UBL7: variants seen among roughly 807,000 people sequenced by gnomAD.
UBL7 encodes ubiquitin-like protein 7.
In UBL7, 21 loss-of-function variants were observed where a neutral mutation model predicts 41.7. The observed-to-expected ratio is 0.50, with a 90% CI of 0.36 to 0.73. The LOEUF is 0.73. Ranked by LOEUF, UBL7 falls within the 30% of genes least tolerant of loss-of-function variation. The pLI is 0.00. For missense variants in UBL7, 403 were observed against 478.4 expected (o/e 0.84, Z 1.47); for synonymous variants, 157 against 186.9 (o/e 0.84, Z 1.31).
intron 2 of UBL7, 139 bp from the exon 3 acceptor site, chr15:74,456,810 A>C: frequency 9.0e-7 from 1 of 1,108,994 alleles, no homozygotes; most frequent in Non-Finnish European, 1.3e-6. Flanking sequence ...AACTTAACAA[A>C]TACTTTTTTT....
chr15:74,461,037 C>A lies in UBL7; in HGVS notation c.-30G>T, dbSNP rs558185651. 1.0e-5 allele frequency: 11 copies of A among 1,050,916 alleles called. No homozygotes were observed. The East Asian group carries it at 8.5e-4, about 81-fold the overall frequency. 65.1% of individuals were successfully genotyped at this position (1,050,916 alleles called of 1,614,324 possible). On this transcript the variant is annotated splice_region_variant and 5_prime_UTR_variant, in exon 1 of 11. Coordinates refer to ENST00000395081, the MANE Select transcript of UBL7 (RefSeq NM_032907.5). Reference sequence around the variant, plus strand: ...GAACACTATCCGGTGGCGACCTCACCGCTCCAGTGGGACCAGCTACTTGGC... The same window carrying A: ...GAACACTATCCGGTGGCGACCTCACAGCTCCAGTGGGACCAGCTACTTGGC...
At chr15:74,447,757 A>ACATCAAGT (rs986935488) in intron 10 of UBL7, among the ~76,000 whole-genome samples, 2 of 152,248 alleles carry the variant, frequency 1.3e-5, no homozygotes, top group Admixed American at 6.5e-5. Flanking sequence ...GGTGACTGCT[A>ACATCAAGT]CATCAAGTCA....
chr15:74,449,171 GC>G lies in UBL7; in HGVS notation c.882+14del. The G allele has an allele frequency of 6.5e-7, 1 of 1,532,916 alleles. No individual in the cohort carries two copies. The highest frequency in any genetic ancestry group is 8.7e-7 in the Non-Finnish European group (1 of 1,144,524). The allele number at this position is 1,532,916 out of a possible 1,614,324, so 95.0% of individuals were successfully genotyped here. Reference sequence around the variant, plus strand: ...TGGGGGCCCAGCCTTGATCTTCCCGGCCCCGTCTTCATACCTGGGTGCCAGG... The same window carrying G: ...TGGGGGCCCAGCCTTGATCTTCCCGGCCCGTCTTCATACCTGGGTGCCAGG... On this transcript the variant is annotated intron_variant, in intron 9 of 10. Transcript: ENST00000395081.
chr15:74,449,948 G>T lies in UBL7; in HGVS notation c.652C>A (p.Arg218=). Reference sequence around the variant, plus strand: ...TTCAGGCGCTCACCTGGCATATCCCGGTATGAGCTGGAGGGCATGCTCCGG... The same window carrying T: ...TTCAGGCGCTCACCTGGCATATCCCTGTATGAGCTGGAGGGCATGCTCCGG... The part of the protein sequence containing the change: ...SSRSMPSSSY[R]DMPGGFLFEG... Residue 218 remains arginine (R), a synonymous_variant, in exon 7 of 11, where the codon CGG becomes AGG. Coordinates refer to ENST00000395081, the MANE Select transcript of UBL7 (RefSeq NM_032907.5). The T allele has an allele frequency of 1.2e-6, 2 of 1,612,036 alleles. No individual in the cohort carries two copies. The highest frequency in any genetic ancestry group is 1.7e-6 in the Non-Finnish European group (2 of 1,179,252).
Position 74,446,308 on chromosome 15 carries a change from G to A in UBL7, c.1006-81C>T. ...CTTAGGTCTGTGCTTTCCGGGGAAG[G>A]AAAGGAAGATGGGGGAGTCCTCAGC... On this transcript the variant is annotated intron_variant, in intron 10 of 10. Transcript: ENST00000395081. This position sits in a 1 kb window ranked among gnomAD's most constrained non-coding sequence, Gnocchi z 4.1. 6.4e-7 allele frequency: 1 copy of A among 1,564,940 alleles called. No individual in the cohort carries two copies. Among genetic ancestry groups the A allele is most frequent in the Non-Finnish European group, 8.7e-7 (1 of 1,151,646 alleles).
At chr15:74,451,388 C>T (rs754565175) in intron 5 of UBL7, 48 bp downstream of exon 5, 11 of 1,512,280 alleles carry the variant, frequency 7.3e-6, no homozygotes, top group Middle Eastern at 1.7e-4. Flanking sequence ...CTCCTGTTTT[C>T]TCCTTTTCCG....
In UBL7 at chr15:74,457,564, T is replaced by C. The variant is rs2061306584; in HGVS notation, c.185-893A>G. 9.2e-5 allele frequency among the ~76,000 whole-genome samples: 13 copies of C among 141,420 alleles called. No homozygotes were observed. In the Admixed American group the frequency reaches 9.3e-4, roughly 10 times the overall value. The allele number at this position is 141,420 out of a possible 152,430, so 92.8% of individuals were successfully genotyped here. Reference sequence around the variant, plus strand: ...TCTCAAAAAAAAAGAAATATATATATATATACACACATACACACAAAAATT... The same window carrying C: ...TCTCAAAAAAAAAGAAATATATATACATATACACACATACACACAAAAATT... On this transcript the variant is annotated intron_variant, in intron 2 of 10. Transcript: ENST00000395081.
Position 74,452,157 on chromosome 15 carries a change from CCA to C in UBL7, c.387+137_387+138del, listed in dbSNP as rs2141317662. 3 of 806,284 alleles carry C rather than the reference CCA, an allele frequency of 3.7e-6. No homozygotes were observed. In the South Asian group the frequency reaches 5.2e-5, roughly 14 times the overall value. 49.9% of individuals were successfully genotyped at this position (806,284 alleles called of 1,614,324 possible). A position where few individuals can be genotyped will look rare whatever the true frequency, so the allele number is the denominator to read the frequency against. On this transcript the variant is annotated intron_variant, in intron 4 of 10. Coordinates refer to ENST00000395081, the MANE Select transcript of UBL7 (RefSeq NM_032907.5). ...GGGAAAGACAGGGCTCTACTGAGGC[CCA>C]CAGACATGGCAAAAACTCCCCAAGG...
At chr15:74,455,395 T>G (rs1294316740) in intron 3 of UBL7, among the ~76,000 whole-genome samples, 1 of 152,242 alleles carries the variant, frequency 6.6e-6, no homozygotes, top group Non-Finnish European at 1.5e-5. Flanking sequence ...TGAGGCTTTG[T>G]ATATTTTCTC....
chr15:74,450,711 G>A (rs992641859), intron 6 of UBL7, 91 bp downstream of exon 6: 1 of 1,401,588 alleles, frequency 7.1e-7, no homozygotes, highest in Non-Finnish European at 1.0e-6. Context: ...CTATGGATGG[G>A]CTCCCAGAGC....
Position 74,446,198 on chromosome 15 carries a change from T to C in UBL7, c.1035A>G (p.Leu345=). 1 of 1,613,922 alleles carries C rather than the reference T, an allele frequency of 6.2e-7. No homozygotes were observed. Among genetic ancestry groups the C allele is most frequent in the Non-Finnish European group, 8.5e-7 (1 of 1,179,918 alleles). The part of the protein sequence containing the change: ...QSQWQPQLQQ[L]RDMGIQDDEL... The stretch of plus-strand genomic sequence containing the variant: ...CATCGTCCTGGATGCCCATGTCACG[T>C]AGCTGCTGCAGCTGGGGCTGCCACT... The change falls in exon 11 of 11, where the codon CTA becomes CTG. Residue 345 remains leucine, a synonymous_variant. Coordinates refer to ENST00000395081, the MANE Select transcript of UBL7 (RefSeq NM_032907.5). This position sits in a 1 kb window ranked among gnomAD's most constrained non-coding sequence, Gnocchi z 4.1.
Position 74,450,017 on chromosome 15 carries a change from A to T in UBL7, c.583T>A (p.Ser195Thr). Reference sequence around the variant, plus strand: ...GGCATTGGGGCACTGCCTGCTACGGAGTGCAGAACCAGGACAATGGCATTG... The same window carrying T: ...GGCATTGGGGCACTGCCTGCTACGGTGTGCAGAACCAGGACAATGGCATTG... ...LVNAIVLVLHSVAGSAPMPGT... is the reference protein window; with the variant it reads ...LVNAIVLVLHTVAGSAPMPGT... Residue 195 changes from serine (S) to threonine (T), a missense_variant, in exon 7 of 11, where the codon TCC becomes ACC. Physicochemically the swap from Ser to Thr is moderately conservative, Grantham distance 58. Coordinates refer to ENST00000395081, the MANE Select transcript of UBL7 (RefSeq NM_032907.5). 1 of 1,613,726 alleles carries T rather than the reference A, an allele frequency of 6.2e-7. No individual in the cohort carries two copies. Among genetic ancestry groups the T allele is most frequent in the Non-Finnish European group, 8.5e-7 (1 of 1,179,872 alleles).
chr15:74,456,014 C>A (rs1299069382), intron 3 of UBL7, among the ~76,000 whole-genome samples: 1 of 151,922 alleles, frequency 6.6e-6, no homozygotes, highest in Non-Finnish European at 1.5e-5. Flanking sequence ...GTAGTCCCAG[C>A]TACCTGGGAG....
At position 74,458,908 on chromosome 15, in the gene UBL7, C is replaced by A. The variant is rs755516139; in HGVS notation, c.-29-12G>T. On this transcript the variant is annotated splice_polypyrimidine_tract_variant and intron_variant, in intron 1 of 10. Transcript: ENST00000395081. ...CTCTCTCTTTCTCCCTGTAAAAGAA[C>A]AAAACCTCAGTGGTTAAAAGACAGA... 3 of 1,601,070 alleles carry A rather than the reference C, an allele frequency of 1.9e-6. No homozygotes were observed. The highest frequency in any genetic ancestry group is 2.7e-5 in the African/African-American group (2 of 74,890).
chr15:74,459,117 A>G, intron 1 of UBL7: 5 of 491,602 alleles, frequency 1.0e-5, no homozygotes, highest in Non-Finnish European at 1.5e-5. Context: ...ACGTGGACAT[A>G]AAAACGCCAT....
chr15:74,450,809 G>T lies in UBL7; in HGVS notation c.523C>A (p.Leu175Ile). 1 of 1,613,432 alleles carries T rather than the reference G, an allele frequency of 6.2e-7. No individual in the cohort carries two copies. Among genetic ancestry groups the T allele is most frequent in the South Asian group, 1.1e-5 (1 of 91,054 alleles). ...TAGGACAGGTACACTTACGTATCAA[G>T]CATATTGGGATCAGCGAAGACAGAG... is the stretch of plus-strand genomic sequence containing the variant. ...LFSVFADPNM[L>I]DTLVPAHPAL... Residue 175 changes from leucine (L) to isoleucine (I), a missense_variant, in exon 6 of 11, where the codon CTT becomes ATT. By Grantham distance (5) the Leu-to-Ile change is conservative (BLOSUM62 2). Transcript: ENST00000395081.
chr15:74,447,916 A>C (rs1315979796), intron 10 of UBL7, among the ~76,000 whole-genome samples: 2 of 152,188 alleles, frequency 1.3e-5, no homozygotes, highest in African/African-American at 4.8e-5. Context: ...ACATGTGCAC[A>C]AACAGGTAGC....
At chr15:74,458,067 C>G (rs2061311189) in intron 2 of UBL7, among the ~76,000 whole-genome samples, 1 of 152,150 alleles carries the variant, frequency 6.6e-6, no homozygotes, top group Non-Finnish European at 1.5e-5. Flanking sequence ...CTCAAATATA[C>G]TGAGGAGCCT....
chr15:74,446,032 T>A lies in UBL7; in HGVS notation c.*58A>T. 6.3e-7 allele frequency: 1 copy of A among 1,588,308 alleles called. No individual in the cohort carries two copies. The highest frequency in any genetic ancestry group is 8.6e-7 in the Non-Finnish European group (1 of 1,167,030). On this transcript the variant is annotated 3_prime_UTR_variant, in exon 11 of 11. Transcript: ENST00000395081. The surrounding 1 kb of genome is among the most constrained non-coding windows in gnomAD (Gnocchi z 4.1). ...GGAGAGATGGAGGCACCTTCATGAG[T>A]GCCTCCCAAGGGCAGTAGCCTCTGC...
Sources: gnomAD v4.1 joint callset for allele counts (sites outside exome capture counted in the v4.1 genomes callset) on GRCh38, gnomAD v4.1.1 for gene constraint, Gnocchi (gnomAD v3.1) non-coding constraint, MANE v1.5 for transcripts, NCBI Gene and HGNC (gene_info 2026-07-23, HGNC 2026-07-21) for gene names.